Variants in ECE1 observed in about 807,000 individuals in gnomAD.
ECE1 encodes endothelin converting enzyme 1, also known as endothelin-converting enzyme 1.
Under a neutral mutation model 98.6 loss-of-function variants are expected in ECE1, and 35 were observed. The ratio of observed to expected loss-of-function variants is 0.35; its 90% confidence interval spans 0.27 to 0.47. ECE1 has a LOEUF of 0.47. Among genes scored for constraint, ECE1 ranks in the 20% least tolerant of loss-of-function variants. The probability of loss-of-function intolerance (pLI) is 1.00; values close to 1 mark genes in which losing one functional copy is unlikely to be tolerated. For missense variants in ECE1, 814 were observed against 1,025.3 expected, an observed-to-expected ratio of 0.79 and a Z score of 2.81; for synonymous variants, 394 against 407.1, an observed-to-expected ratio of 0.97 and a Z score of 0.39.
rs1228877323 is a variant in ECE1 at position 21,327,390 on chromosome 1, G to A, written c.3+17986C>T. 6.6e-6 allele frequency among the ~76,000 whole-genome samples: 1 copy of A among 152,104 alleles called. No homozygotes were observed. Among genetic ancestry groups the A allele is most frequent in the Non-Finnish European group, 1.5e-5 (1 of 68,010 alleles). On this transcript the variant is annotated intron_variant, in intron 1 of 18. Transcript: ENST00000415912. This position sits in a 1 kb window ranked among gnomAD's most constrained non-coding sequence, Gnocchi z 4.6. The stretch of plus-strand genomic sequence containing the variant: ...CCTGCCCCACTCCAATCAATCACCA[G>A]GCCCTGCCCACTCTACTCAGTTTCT...
intron 3 of ECE1, among the ~76,000 whole-genome samples, chr1:21,277,210 C>T (rs1430556255): frequency 6.6e-6 from 1 of 152,202 alleles, no homozygotes; most frequent in Non-Finnish European, 1.5e-5. Flanking sequence ...GGAGAAAACC[C>T]TTCTGAGACC....
upstream of ECE1, chr1:21,294,204 T>G (rs1208044966): frequency 1.3e-5 from 2 of 152,460 alleles, no homozygotes; most frequent in Non-Finnish European, 2.9e-5. This position sits in a 1 kb window ranked among gnomAD's most constrained non-coding sequence, Gnocchi z 4.2. Context: ...TGGAACTGCT[T>G]CTTCAGGTGG....
intron 10 of ECE1, among the ~76,000 whole-genome samples, chr1:21,239,897 G>A (rs2098193828): frequency 6.6e-6 from 1 of 152,048 alleles, no homozygotes; most frequent in African/African-American, 2.4e-5. Context: ...GAGGCCAAGT[G>A]TGGTGGCTCA....
chr1:21,322,765 G>C lies in ECE1; in HGVS notation c.3+22611C>G, dbSNP rs1001543984. Reference sequence around the variant, plus strand: ...CTTGTCAGGAAGGACAAGAGGTTCTGATCTAGCACTCTGCTGAGAGAAAGA... The same window carrying C: ...CTTGTCAGGAAGGACAAGAGGTTCTCATCTAGCACTCTGCTGAGAGAAAGA... On this transcript the variant is annotated intron_variant, in intron 1 of 18. Transcript: ENST00000415912. The surrounding 1 kb of genome is among the most constrained non-coding windows in gnomAD (Gnocchi z 4.1). 6.6e-6 allele frequency among the ~76,000 whole-genome samples: 1 copy of C among 152,184 alleles called. No homozygotes were observed. Among genetic ancestry groups the C allele is most frequent in the Non-Finnish European group, 1.5e-5 (1 of 68,042 alleles).
At chr1:21,255,273 G>A (rs966721148) in intron 8 of ECE1, among the ~76,000 whole-genome samples, 3 of 152,184 alleles carry the variant, frequency 2.0e-5, no homozygotes, top group Non-Finnish European at 2.9e-5. Flanking sequence ...GTCAAGAAAC[G>A]GCAAGATCGG....
At chr1:21,304,262 G>A (rs978286121) in intron 1 of ECE1, among the ~76,000 whole-genome samples, 2 of 140,650 alleles carry the variant, frequency 1.4e-5, no homozygotes. Context: ...CTTGCAGTGA[G>A]CCGAGATCGC....
chr1:21,337,140 G>T (rs1362573727), intron 1 of ECE1, among the ~76,000 whole-genome samples: 1 of 152,228 alleles, frequency 6.6e-6, no homozygotes, highest in East Asian at 1.9e-4. Context: ...GCTGAGGTCT[G>T]CAAAGAGTTA....
intron 1 of ECE1, among the ~76,000 whole-genome samples, chr1:21,320,735 C>T (rs963272608): frequency 6.6e-6 from 1 of 152,238 alleles, no homozygotes; most frequent in African/African-American, 2.4e-5. Context: ...CTATAGGGGC[C>T]GCAGCCTCAT....
At chr1:21,278,354 G>A (rs943652087) in intron 3 of ECE1, among the ~76,000 whole-genome samples, 3 of 152,244 alleles carry the variant, frequency 2.0e-5, no homozygotes, top group Non-Finnish European at 4.4e-5. Context: ...CCCTACAGCA[G>A]GATCAGAGTG....
At chr1:21,242,088 C>T (rs928957647) in intron 10 of ECE1, among the ~76,000 whole-genome samples, 4 of 152,172 alleles carry the variant, frequency 2.6e-5, no homozygotes, top group Non-Finnish European at 4.4e-5. Flanking sequence ...CTGCATGCAG[C>T]GCTTGAGCAG....
At chr1:21,290,514 G>A, upstream of ECE1, 1 of 1,206,274 alleles carries the variant, frequency 8.3e-7, no homozygotes, top group Non-Finnish European at 1.0e-6. This position sits in a 1 kb window ranked among gnomAD's most constrained non-coding sequence, Gnocchi z 7.3. Flanking sequence ...TGATCGGTTC[G>A]CCGGCGCCCG....
In ECE1 at chr1:21,271,957, T is replaced by C. The variant is rs116304731; in HGVS notation, c.493+742A>G. On this transcript the variant is annotated intron_variant, in intron 4 of 18. Transcript: ENST00000374893. The stretch of plus-strand genomic sequence containing the variant: ...ATCACAACCTTAGAATCTGATCTAG[T>C]GTGTTCAGTCTCGATCCCTTTTGCT... Among the ~76,000 whole-genome samples the C allele has an allele frequency of 4.0e-3, 611 of 151,916 alleles. 3 individuals carry two copies. The highest frequency in any genetic ancestry group is 0.014 in the African/African-American group (563 of 41,378).
intron 9 of ECE1, 31 bp downstream of exon 9, chr1:21,247,190 G>A (rs2098204895): frequency 6.2e-7 from 1 of 1,613,944 alleles, no homozygotes; most frequent in Non-Finnish European, 8.5e-7. Context: ...TCTGTGAGAG[G>A]CGTGCCCCAG....
chr1:21,301,332 A>AAAATAC (rs1485989682), intron 1 of ECE1, among the ~76,000 whole-genome samples: 38 of 152,154 alleles, frequency 2.5e-4, no homozygotes, highest in African/African-American at 8.4e-4. Context: ...GTCTCTACTA[A>AAAATAC]AAATACAAAA....
chr1:21,302,968 AC>A (rs1316157877), intron 1 of ECE1, among the ~76,000 whole-genome samples: 1 of 151,032 alleles, frequency 6.6e-6, no homozygotes, highest in African/African-American at 2.4e-5. Context: ...CTCCCCTGCC[AC>A]CCCCCGGGCC....
chr1:21,331,590 TA>T (rs959532735), intron 1 of ECE1, among the ~76,000 whole-genome samples: 2 of 147,392 alleles, frequency 1.4e-5, no homozygotes, highest in South Asian at 2.1e-4. Flanking sequence ...GAGACTTCGC[TA>T]AAAAAAAGAA....
intron 2 of ECE1, among the ~76,000 whole-genome samples, chr1:21,285,743 G>A (rs1228321005): frequency 6.8e-6 from 1 of 146,296 alleles, no homozygotes; most frequent in African/African-American, 2.5e-5. Flanking sequence ...TGCAATCCCA[G>A]CACTTTGGAA....
At chr1:21,305,235 TACAC>T (rs1489364055) in intron 1 of ECE1, among the ~76,000 whole-genome samples, 1 of 152,182 alleles carries the variant, frequency 6.6e-6, no homozygotes, top group Non-Finnish European at 1.5e-5. Context: ...AACACTGGTG[TACAC>T]ACAGTCTACA....
At chr1:21,314,698 G>A (rs1053446763) in intron 1 of ECE1, among the ~76,000 whole-genome samples, 9 of 152,212 alleles carry the variant, frequency 5.9e-5, no homozygotes, top group Middle Eastern at 3.2e-3. Context: ...CAGCTTTCAC[G>A]TGTTCCTAAG....
Sources: gnomAD v4.1 joint callset for allele counts (sites outside exome capture counted in the v4.1 genomes callset) on GRCh38, gnomAD v4.1.1 for gene constraint, Gnocchi (gnomAD v3.1) non-coding constraint, MANE v1.5 for transcripts, NCBI Gene and HGNC (gene_info 2026-07-23, HGNC 2026-07-21) for gene names.